ADAM18: variants seen among roughly 807,000 people sequenced by gnomAD.
ADAM18 encodes disintegrin and metalloproteinase domain-containing protein 18.
In ADAM18, 117 loss-of-function variants were observed where a neutral mutation model predicts 94.4. The ratio of observed to expected loss-of-function variants is 1.24; its 90% CI spans 1.07 to 1.45. ADAM18 has a LOEUF of 1.45. Ranked by LOEUF, ADAM18 falls within the 40% of genes most tolerant of loss-of-function variation. The probability of loss-of-function intolerance (pLI) is 0.00; values close to 1 mark genes in which losing one functional copy is unlikely to be tolerated. For synonymous variants in ADAM18, 327 were observed against 291.6 expected, an observed-to-expected ratio of 1.12 and a Z score of -1.24; for missense variants, 936 against 880.0, an observed-to-expected ratio of 1.06 and a Z score of -0.81.
chr8:39,638,394 G>A (rs1414818646), intron 9 of ADAM18, 71 bp from the exon 10 acceptor site: 8 of 1,016,244 alleles, frequency 7.9e-6, no homozygotes, highest in Non-Finnish European at 7.0e-6. Flanking sequence ...ATGTGAAGAA[G>A]GTTTAATTTA....
chr8:39,648,501 G>A lies in ADAM18; in HGVS notation c.1204G>A (p.Glu402Lys). ...TGGTAATGGGATTTTGGAATCCAATGAAGAATGTGACTGTGGTAATAAAAA... is the reference window on the plus strand; with the variant it reads ...TGGTAATGGGATTTTGGAATCCAATAAAGAATGTGACTGTGGTAATAAAAA... ...VCGNGILESN[E>K]ECDCGNKNEC... Residue 402 changes from glutamate (E) to lysine (K), a missense_variant, in exon 12 of 20, where the codon GAA becomes AAA. Physicochemically the swap from Glu to Lys is moderately conservative, Grantham distance 56. Coordinates refer to ENST00000265707, the MANE Select transcript of ADAM18 (RefSeq NM_014237.3). The A allele has an allele frequency of 6.2e-7, 1 of 1,608,096 alleles. No homozygotes were observed. Among genetic ancestry groups the A allele is most frequent in the South Asian group, 1.1e-5 (1 of 89,386 alleles).
chr8:39,589,889 C>T (rs1337138088), intron 2 of ADAM18, among the ~76,000 whole-genome samples: 1 of 151,006 alleles, frequency 6.6e-6, no homozygotes, highest in Admixed American at 6.6e-5. Flanking sequence ...AATGAGATAC[C>T]ATCTCACACC....
At chr8:39,692,797 A>C in intron 17 of ADAM18, 117 bp downstream of exon 17, 1 of 666,588 alleles carries the variant, frequency 1.5e-6, no homozygotes, top group Admixed American at 3.4e-5. Flanking sequence ...ACTAATATAA[A>C]GAAAATTAAC....
Position 39,677,552 on chromosome 8 carries a change from A to G in ADAM18, c.1631+16A>G, listed in dbSNP as rs1418479909. On this transcript the variant is annotated intron_variant, in intron 15 of 19. Transcript: ENST00000265707. ...GTGAACGGAAGTACGTATGTAGAAA[A>G]TGATTGCTTCTTTGAATCATAAAAA... 1.9e-6 allele frequency: 3 copies of G among 1,545,484 alleles called. No homozygotes were observed.
intron 3 of ADAM18, among the ~76,000 whole-genome samples, chr8:39,606,777 CAG>C (rs1169458399): frequency 6.6e-6 from 1 of 151,738 alleles, no homozygotes; most frequent in East Asian, 1.9e-4. Flanking sequence ...TGAGTCCGAA[CAG>C]AGAGTCAGCA....
chr8:39,657,302 C>CTTTG (rs1254219916), intron 12 of ADAM18, among the ~76,000 whole-genome samples: 1 of 151,846 alleles, frequency 6.6e-6, no homozygotes, highest in Admixed American at 6.6e-5. Context: ...CTAAAAAGGT[C>CTTTG]TTTGTTTGTT....
intron 12 of ADAM18, 113 bp from the exon 13 acceptor site, chr8:39,663,682 A>G (rs982309849): frequency 3.5e-6 from 2 of 576,078 alleles, no homozygotes; most frequent in Non-Finnish European, 6.0e-6. Context: ...ATACAATTAT[A>G]TTGTATAACT....
At chr8:39,586,734 C>T (rs1818403950) in intron 2 of ADAM18, among the ~76,000 whole-genome samples, 1 of 151,000 alleles carries the variant, frequency 6.6e-6, no homozygotes, top group Non-Finnish European at 1.5e-5. Flanking sequence ...CTCTTAAAAA[C>T]AAAAAACAAA....
chr8:39,725,886 A>G (rs545510326), intron 19 of ADAM18, among the ~76,000 whole-genome samples: 67 of 152,302 alleles, frequency 4.4e-4, no homozygotes, highest in African/African-American at 1.4e-3. Context: ...AGGTTGTCAC[A>G]TCATATGGTA....
At chr8:39,594,378 T>A (rs2129458116) in intron 2 of ADAM18, among the ~76,000 whole-genome samples, 1 of 152,332 alleles carries the variant, frequency 6.6e-6, no homozygotes, top group East Asian at 1.9e-4. Flanking sequence ...AAAGGTAAAC[T>A]TTTGTAATTA....
At chr8:39,665,723 C>A (rs1820978930) in intron 13 of ADAM18, among the ~76,000 whole-genome samples, 1 of 152,080 alleles carries the variant, frequency 6.6e-6, no homozygotes, top group Non-Finnish European at 1.5e-5. Context: ...TACTGATTAA[C>A]CATTGCTTTA....
intron 2 of ADAM18, among the ~76,000 whole-genome samples, chr8:39,595,452 GTTTTTAT>G (rs1473836617): frequency 1.3e-5 from 2 of 152,046 alleles, no homozygotes; most frequent in African/African-American, 2.4e-5. Flanking sequence ...CCAGTGAACT[GTTTTTAT>G]TTTTTATTTT....
chr8:39,664,602 A>G (rs904875753), intron 13 of ADAM18, among the ~76,000 whole-genome samples: 1 of 152,194 alleles, frequency 6.6e-6, no homozygotes, highest in Non-Finnish European at 1.5e-5. Context: ...TATAAAGTCA[A>G]ATAAATGATG....
chr8:39,661,606 C>A (rs902867051), intron 12 of ADAM18, among the ~76,000 whole-genome samples: 2 of 151,910 alleles, frequency 1.3e-5, no homozygotes, highest in Admixed American at 6.6e-5. Context: ...ATTATCAAGA[C>A]CTCCACCATG....
At chr8:39,682,415 T>C (rs980013874) in intron 16 of ADAM18, among the ~76,000 whole-genome samples, 1 of 152,150 alleles carries the variant, frequency 6.6e-6, no homozygotes, top group African/African-American at 2.4e-5. Flanking sequence ...AAAATTCTAC[T>C]GAGAGGAGGC....
Position 39,637,558 on chromosome 8 carries a change from A to C in ADAM18, c.682A>C (p.Thr228Pro), listed in dbSNP as rs1300937846. Reference protein sequence around the residue: ...VNTMFTQFKLTVILSSLELWS... With the variant: ...VNTMFTQFKLPVILSSLELWS... ...TTAGATGTTTACCCAGTTCAAATTGACTGTTATACTGTCTTCCTTGGAATT... is the reference window on the plus strand; with the variant it reads ...TTAGATGTTTACCCAGTTCAAATTGCCTGTTATACTGTCTTCCTTGGAATT... The change falls in exon 9 of 20, where the codon ACT (threonine) becomes CCT (proline). Residue 228 changes from threonine to proline, a missense_variant. Transcript: ENST00000265707. The C allele has an allele frequency of 1.2e-6, 2 of 1,609,760 alleles. No individual in the cohort carries two copies. The highest frequency in any genetic ancestry group is 3.4e-5 in the Admixed American group (2 of 59,364).
At chr8:39,631,886 G>A (rs1279486775) in intron 7 of ADAM18, among the ~76,000 whole-genome samples, 2 of 151,838 alleles carry the variant, frequency 1.3e-5, no homozygotes, top group African/African-American at 4.8e-5. Context: ...ATCTTTGTTA[G>A]TTTTATTGTT....
At chr8:39,622,200 C>G (rs946702319) in intron 6 of ADAM18, among the ~76,000 whole-genome samples, 1 of 151,264 alleles carries the variant, frequency 6.6e-6, no homozygotes, top group African/African-American at 2.4e-5. Flanking sequence ...TTTCTAAAAA[C>G]AAGTACATCA....
At chr8:39,628,051 T>C (rs1175876294) in intron 6 of ADAM18, among the ~76,000 whole-genome samples, 1 of 152,112 alleles carries the variant, frequency 6.6e-6, no homozygotes, top group Non-Finnish European at 1.5e-5. Context: ...CAACACTTCT[T>C]GTTTGCAAGG....
Sources: gnomAD v4.1 joint callset for allele counts (sites outside exome capture counted in the v4.1 genomes callset) on GRCh38, gnomAD v4.1.1 for gene constraint, MANE v1.5 for transcripts, NCBI Gene and HGNC (gene_info 2026-07-23, HGNC 2026-07-21) for gene names.